Variants in NOBOX observed in about 807,000 individuals in gnomAD.
NOBOX encodes homeobox protein NOBOX.
A neutral mutation model predicts 60.2 loss-of-function variants in NOBOX; 46 were observed. The observed-to-expected ratio is 0.76, with a 90% confidence interval of 0.60 to 0.98. The LOEUF (loss-of-function observed/expected upper bound fraction) is 0.98. Among genes scored for constraint, NOBOX ranks in the 50% least tolerant of loss-of-function variants. NOBOX has a pLI of 0.00. For synonymous variants in NOBOX, 360 were observed against 346.3 expected (o/e 1.04, Z -0.44); for missense variants, 880 against 865.5 (o/e 1.02, Z -0.21).
At chr7:144,399,933 G>A in intron 5 of NOBOX, 70 bp from the exon 4 acceptor site, 1 of 1,357,930 alleles carries the variant, frequency 7.4e-7, no homozygotes, top group Non-Finnish European at 1.0e-6. Context: ...CCTGGCTGTT[G>A]CACAAGGAGC....
chr7:144,398,789 G>C (rs1186998205), intron 8 of NOBOX, among the ~76,000 whole-genome samples, 161 bp downstream of exon 6: 1 of 151,940 alleles, frequency 6.6e-6, no homozygotes, highest in Non-Finnish European at 1.5e-5. Flanking sequence ...TGATCCCCTA[G>C]GTCATTCCCC....
chr7:144,397,221 T>C, downstream of NOBOX: 1 of 1,514,728 alleles, frequency 6.6e-7, no homozygotes, highest in Non-Finnish European at 8.8e-7. Flanking sequence ...CAGCCTCTTT[T>C]CACTCTTTGA....
In NOBOX at chr7:144,398,282, C is replaced by T. The variant is rs958327908; in HGVS notation, c.1774G>A (p.Gly592Ser). 2.6e-6 allele frequency: 4 copies of T among 1,537,054 alleles called. No individual in the cohort carries two copies. The African/African-American group carries it at 5.5e-5, about 21-fold the overall frequency. The change falls in exon 9 of 10, where the codon GGT becomes AGT. Residue 592 changes from glycine to serine, a missense_variant and splice_region_variant. Coordinates refer to ENST00000467773, the MANE Select transcript of NOBOX (RefSeq NM_001080413.3). ...ACCTTCTCTCCCAGCCTCAACTCACCTATATTCCCAGCAGGTGGTTGCATC... is the reference window on the plus strand; with the variant it reads ...ACCTTCTCTCCCAGCCTCAACTCACTTATATTCCCAGCAGGTGGTTGCATC...
chr7:144,397,260 T>C lies in NOBOX; in HGVS notation c.2056A>G (p.Lys686Glu). ...CCCAACTAGGGGACATGGCTATTCT[T>C]GTCATCCCCTCTGGCCTCCTCCAGT... The change falls in exon 10 of 10, where the codon AAG (lysine) becomes GAG (glutamate). Residue 686 changes from lysine to glutamate, a missense_variant. Physicochemically the swap from Lys to Glu is moderately conservative, Grantham distance 56 (BLOSUM62 1). Transcript: ENST00000467773. 6.5e-7 allele frequency: 1 copy of C among 1,533,324 alleles called. No individual in the cohort carries two copies. The highest frequency in any genetic ancestry group is 1.2e-5 in the South Asian group (1 of 83,972). The allele number at this position is 1,533,324 out of a possible 1,614,324, so 95.0% of individuals were successfully genotyped here.
intron 2 of NOBOX, among the ~76,000 whole-genome samples, chr7:144,402,606 T>G (rs2053949910): frequency 6.6e-6 from 1 of 152,114 alleles, no homozygotes; most frequent in African/African-American, 2.4e-5. Flanking sequence ...CCCAACTGAC[T>G]CATAACTCCA....
chr7:144,407,678 G>T (rs1175892055), intron 1 of NOBOX, among the ~76,000 whole-genome samples: 1 of 152,236 alleles, frequency 6.6e-6, no homozygotes, highest in South Asian at 2.1e-4. Flanking sequence ...CTGCCCAGGG[G>T]CTTCCTTTGA....
At chr7:144,406,004 G>T (rs898531039) in intron 1 of NOBOX, among the ~76,000 whole-genome samples, 1 of 152,186 alleles carries the variant, frequency 6.6e-6, no homozygotes, top group Non-Finnish European at 1.5e-5. Flanking sequence ...CTTTACTGAG[G>T]TGTCTGCTGC....
In NOBOX at chr7:144,404,566, G is replaced by A. The variant is rs2128862842; in HGVS notation, c.200C>T (p.Thr67Ile). The change falls in exon 2 of 10, where the codon ACC (threonine) becomes ATC (isoleucine). Residue 67 changes from threonine to isoleucine, a missense_variant. Physicochemically the swap from Thr to Ile is moderately conservative, Grantham distance 89. Transcript: ENST00000467773. ...GCTCGCCCCCCGTACTGATTTGAGGGTCTCCAGAGCACAAAGGCTGCACCG... is the reference window on the plus strand; with the variant it reads ...GCTCGCCCCCCGTACTGATTTGAGGATCTCCAGAGCACAAAGGCTGCACCG... The A allele has an allele frequency of 1.2e-6, 2 of 1,613,706 alleles. No homozygotes were observed. Among genetic ancestry groups the A allele is most frequent in the Non-Finnish European group, 8.5e-7 (1 of 1,179,726 alleles).
In NOBOX at chr7:144,401,410, C is replaced by T. The variant is rs368119264; in HGVS notation, c.480G>A (p.Pro160=). 7.0e-5 allele frequency: 113 copies of T among 1,611,614 alleles called. No homozygotes were observed. Among genetic ancestry groups the T allele is most frequent in the African/African-American group, 4.9e-4 (37 of 74,824 alleles). ...TGTGGGGAGCCCTGGAGCGGGGGGG[C>T]GGGCACAGTCTCCCAGCATCAGCCC... The change falls in exon 4 of 10, where the codon CCG becomes CCA. Residue 160 remains proline (P), a synonymous_variant. Coordinates refer to ENST00000467773, the MANE Select transcript of NOBOX (RefSeq NM_001080413.3). The surrounding 1 kb of genome is among the most constrained non-coding windows in gnomAD (Gnocchi z 4.2).
At position 144,399,844 on chromosome 7, in the gene NOBOX, C is replaced by T. The variant is rs749172175; in HGVS notation, c.1067G>A (p.Arg356Gln). 12 of 1,611,938 alleles carry T rather than the reference C, an allele frequency of 7.4e-6. No homozygotes were observed. Among genetic ancestry groups the T allele is most frequent in the Admixed American group, 1.7e-5 (1 of 59,962 alleles). Residue 356 changes from arginine to glutamine, a missense_variant, in exon 6 of 10, where the codon CGG becomes CAG. Transcript: ENST00000467773. Reference sequence around the variant, plus strand: ...TTTCTCCATTTTTCGCCACTTGGCCCGGCGATTCTGGAACCACACCTATGG... The same window carrying T: ...TTTCTCCATTTTTCGCCACTTGGCCTGGCGATTCTGGAACCACACCTATGG...
At chr7:144,403,754 C>T (rs1198106237) in intron 2 of NOBOX, 61 bp from the exon 1 acceptor site, 4 of 664,992 alleles carry the variant, frequency 6.0e-6, no homozygotes, top group Admixed American at 2.1e-5. Flanking sequence ...AATGAAGCCT[C>T]GCCGGGCGGG....
intron 2 of NOBOX, 104 bp from the exon 1 acceptor site, chr7:144,403,797 C>T (rs560656120): frequency 4.3e-4 from 143 of 332,054 alleles, no homozygotes; most frequent in Non-Finnish European, 6.7e-4. Context: ...CGGGCCGGGC[C>T]GGGGGAGCCG....
chr7:144,400,400 A>G (rs1160347014), intron 4 of NOBOX, 88 bp from the exon 3 acceptor site: 5 of 1,193,342 alleles, frequency 4.2e-6, no homozygotes, highest in Non-Finnish European at 4.9e-6. Flanking sequence ...AGTATCTCCA[A>G]CAGATGGGGC....
In NOBOX at chr7:144,410,159, G is replaced by A. The variant is rs1225258814; in HGVS notation, c.69C>T (p.Gly23=). The change falls in exon 1 of 10, where the codon GGC becomes GGT. Residue 23 remains glycine, a synonymous_variant. Transcript: ENST00000467773. The stretch of plus-strand genomic sequence containing the variant: ...TGAGCTCACCCTCCTGGGCTTTGAA[G>A]CCATCCTTGTCTCTGGTGTCCCAGG... The A allele has an allele frequency of 1.9e-6, 3 of 1,566,826 alleles. No homozygotes were observed. The South Asian group carries it at 3.5e-5, about 18-fold the overall frequency.
intron 2 of NOBOX, among the ~76,000 whole-genome samples, chr7:144,404,206 C>G (rs1474575193): frequency 6.6e-6 from 1 of 152,176 alleles, no homozygotes; most frequent in Non-Finnish European, 1.5e-5. Flanking sequence ...TAGGGCCCCT[C>G]CAAGCCTCAG....
At position 144,401,227 on chromosome 7, in the gene NOBOX, A is replaced by G. The variant is rs767755530; in HGVS notation, c.663T>C (p.Gly221=). The change falls in exon 4 of 10, where the codon GGT becomes GGC. Residue 221 remains glycine (G), a synonymous_variant. Transcript: ENST00000467773. The surrounding 1 kb of genome is among the most constrained non-coding windows in gnomAD (Gnocchi z 4.2). ...GTGTGGCACGGGCTGAGTTAGGGGC[A>G]CCCGGAGATGATGTTGGGGCCAGAC... 4.3e-6 allele frequency: 7 copies of G among 1,613,466 alleles called. No individual in the cohort carries two copies. In the South Asian group the frequency reaches 7.7e-5, roughly 18 times the overall value.
At chr7:144,407,060 T>C (rs2053990437) in intron 1 of NOBOX, among the ~76,000 whole-genome samples, 1 of 151,984 alleles carries the variant, frequency 6.6e-6, no homozygotes, top group South Asian at 2.1e-4. Flanking sequence ...ATTACCACCA[T>C]GCACTTAGAA....
chr7:144,401,405 G>C lies in NOBOX; in HGVS notation c.485C>G (p.Pro162Arg). The C allele has an allele frequency of 6.2e-7, 1 of 1,612,998 alleles. No homozygotes were observed. Among genetic ancestry groups the C allele is most frequent in the African/African-American group, 1.3e-5 (1 of 75,030 alleles). ...GTCTTTGTGGGGAGCCCTGGAGCGGGGGGGCGGGCACAGTCTCCCAGCATC... is the reference window on the plus strand; with the variant it reads ...GTCTTTGTGGGGAGCCCTGGAGCGGCGGGGCGGGCACAGTCTCCCAGCATC... The change falls in exon 4 of 10, where the codon CCC becomes CGC. Residue 162 changes from proline to arginine, a missense_variant. By Grantham distance (103) the Pro-to-Arg change is moderately radical. Transcript: ENST00000467773. This position sits in a 1 kb window ranked among gnomAD's most constrained non-coding sequence, Gnocchi z 4.2.
rs1219102141 is a variant in NOBOX, at chr7:144,401,340, C to A, written c.550G>T (p.Asp184Tyr). The A allele has an allele frequency of 1.2e-6, 2 of 1,613,808 alleles. No homozygotes were observed. Among genetic ancestry groups the A allele is most frequent in the South Asian group, 2.2e-5 (2 of 91,026 alleles). Residue 184 changes from aspartate (D) to tyrosine (Y), a missense_variant, in exon 4 of 10, where the codon GAT (aspartate) becomes TAT (tyrosine). Coordinates refer to ENST00000467773, the MANE Select transcript of NOBOX (RefSeq NM_001080413.3). The surrounding 1 kb of genome is among the most constrained non-coding windows in gnomAD (Gnocchi z 4.2). ...ACCTCTCCCACTGGGAGGGAACAAT[C>A]TTCCCCCTGAGTCTGGGGCCTGGAG...
Sources: allele counts gnomAD v4.1 joint callset (sites outside exome capture counted in the v4.1 genomes callset), GRCh38; gene constraint gnomAD v4.1.1; non-coding constraint Gnocchi (gnomAD v3.1); transcripts MANE v1.5; gene names NCBI Gene and HGNC (gene_info 2026-07-23, HGNC 2026-07-21).